Variants in SNX8 observed in about 807,000 individuals in gnomAD.
SNX8 encodes the protein sorting nexin-8.
In SNX8, 25 loss-of-function variants were observed where a neutral mutation model predicts 51.6. The ratio of observed to expected loss-of-function variants is 0.48; its 90% CI spans 0.35 to 0.68. SNX8 has a LOEUF of 0.68. SNX8 is among the 30% of genes least tolerant of loss of function. The pLI is 0.00. For synonymous variants in SNX8, 324 were observed against 277.0 expected (o/e 1.17, Z -1.68); for missense variants, 695 against 624.0 (o/e 1.11, Z -1.21).
chr7:2,346,702 C>A (rs1467817865), intron 1 of SNX8, among the ~76,000 whole-genome samples: 2 of 139,248 alleles, frequency 1.4e-5, no homozygotes, highest in African/African-American at 5.3e-5. Context: ...GCTGAGATTG[C>A]GCCACTGCAC....
chr7:2,306,226 C>G (rs956750105), intron 1 of SNX8, among the ~76,000 whole-genome samples: 1 of 152,148 alleles, frequency 6.6e-6, no homozygotes, highest in African/African-American at 2.4e-5. Context: ...ACTGCAACCT[C>G]GAGCAATTCT....
At chr7:2,266,237 T>G (rs554824789) in intron 5 of SNX8, among the ~76,000 whole-genome samples, 7 of 152,282 alleles carry the variant, frequency 4.6e-5, no homozygotes, top group African/African-American at 1.2e-4. Context: ...CAGGCTGGAG[T>G]GCAATGGCAC....
chr7:2,335,471 A>G (rs1212514482), intron 1 of SNX8, among the ~76,000 whole-genome samples: 1 of 151,900 alleles, frequency 6.6e-6, no homozygotes, highest in Non-Finnish European at 1.5e-5. Flanking sequence ...CAACATAGCC[A>G]GAGCCCATCT....
chr7:2,341,235 T>A (rs1778918231), intron 1 of SNX8, among the ~76,000 whole-genome samples: 2 of 150,942 alleles, frequency 1.3e-5, no homozygotes, highest in South Asian at 2.1e-4. Flanking sequence ...ATAAAATTGA[T>A]CAGCCAGGTG....
At chr7:2,344,265 T>G (rs1267745248) in intron 1 of SNX8, among the ~76,000 whole-genome samples, 1 of 151,716 alleles carries the variant, frequency 6.6e-6, no homozygotes, top group African/African-American at 2.4e-5. Flanking sequence ...GAAGATCGCT[T>G]GAGCTCAGGA....
chr7:2,345,470 G>C (rs1244072827), intron 1 of SNX8, among the ~76,000 whole-genome samples: 3 of 152,062 alleles, frequency 2.0e-5, no homozygotes, highest in African/African-American at 7.2e-5. Flanking sequence ...CTGAGGTCAG[G>C]AGTTCAAGAC....
intron 1 of SNX8, among the ~76,000 whole-genome samples, chr7:2,351,705 C>T (rs1239720129): frequency 1.3e-5 from 2 of 151,312 alleles, no homozygotes; most frequent in African/African-American, 2.4e-5. Flanking sequence ...GTGGCAGGCG[C>T]CTGTAGTCCC....
At chr7:2,317,075 G>A (rs1053636983), upstream of SNX8, among the ~76,000 whole-genome samples, 2 of 151,884 alleles carry the variant, frequency 1.3e-5, no homozygotes, top group African/African-American at 4.8e-5. Context: ...CTGGATGGGT[G>A]GTACCAGAGT....
intron 1 of SNX8, among the ~76,000 whole-genome samples, chr7:2,349,506 T>A (rs1216786041): frequency 6.6e-6 from 1 of 150,656 alleles, no homozygotes; most frequent in Non-Finnish European, 1.5e-5. Flanking sequence ...AGTGGTGTGA[T>A]CTCGGCTCAC....
rs565093074 is a variant in SNX8, at chr7:2,265,060, C to T, written c.622-602G>A. 3.3e-5 allele frequency among the ~76,000 whole-genome samples: 5 copies of T among 151,824 alleles called. No individual in the cohort carries two copies. The South Asian group carries it at 1.0e-3, about 32-fold the overall frequency. ...AAAACAAACAAACCAACAAAACACT[C>T]GAATAATAATCTTGCCGGGCGCAGT... On this transcript the variant is annotated intron_variant, in intron 5 of 10. Transcript: ENST00000222990.
chr7:2,339,336 G>C (rs1315270939), intron 1 of SNX8, among the ~76,000 whole-genome samples: 1 of 152,106 alleles, frequency 6.6e-6, no homozygotes, highest in African/African-American at 2.4e-5. Flanking sequence ...CTCCCGAGTA[G>C]CTGGGACTAC....
rs181504937 is a variant in SNX8 at position 2,338,245 on chromosome 7, G to A, written c.-66+15977C>T. On this transcript the variant is annotated intron_variant, in intron 1 of 5. Transcript: ENST00000435336. ...TGGGAGGCCGAGGCGGGCGGATCAC[G>A]AGGTCAGGAGATCAAGACCATCCTG... is the stretch of plus-strand genomic sequence containing the variant. Among the ~76,000 whole-genome samples the A allele has an allele frequency of 2.5e-4, 38 of 151,812 alleles. No individual in the cohort carries two copies. In the East Asian group the frequency reaches 7.0e-3, roughly 28 times the overall value.
chr7:2,324,293 C>CTTTT (rs370841279), intron 1 of SNX8, among the ~76,000 whole-genome samples: 3 of 137,484 alleles, frequency 2.2e-5, no homozygotes, highest in African/African-American at 2.7e-5. Flanking sequence ...TTCTTTCTTT[C>CTTTT]TTTTTTTTTT....
intron 10 of SNX8, among the ~76,000 whole-genome samples, chr7:2,255,995 TCAC>T (rs1376819029): frequency 6.6e-6 from 1 of 152,162 alleles, no homozygotes; most frequent in Non-Finnish European, 1.5e-5. Context: ...TGGAAATTCC[TCAC>T]CACCACAATA....
intron 1 of SNX8, among the ~76,000 whole-genome samples, chr7:2,321,057 C>A (rs6461310): frequency 6.6e-6 from 1 of 152,040 alleles, no homozygotes; most frequent in Non-Finnish European, 1.5e-5. Flanking sequence ...AAAACAAAAA[C>A]GAAATGTGTG....
chr7:2,304,760 A>G (rs1486851352), intron 1 of SNX8, among the ~76,000 whole-genome samples: 1 of 152,120 alleles, frequency 6.6e-6, no homozygotes, highest in Non-Finnish European at 1.5e-5. Context: ...GAAACTGCAC[A>G]CACAGAGACA....
intron 1 of SNX8, among the ~76,000 whole-genome samples, chr7:2,306,207 T>A (rs1228334222): frequency 6.6e-6 from 1 of 152,110 alleles, no homozygotes; most frequent in Non-Finnish European, 1.5e-5. Flanking sequence ...AGTGGCGCGA[T>A]CTCAGCTCAC....
At chr7:2,263,463 T>G in intron 6 of SNX8, 101 bp from the exon 7 acceptor site, 1 of 1,215,466 alleles carries the variant, frequency 8.2e-7, no homozygotes, top group Admixed American at 2.4e-5. Context: ...CACGGCAACC[T>G]GCGTGACCCC....
chr7:2,318,028 A>G (rs1796782984), upstream of SNX8, among the ~76,000 whole-genome samples: 1 of 151,972 alleles, frequency 6.6e-6, no homozygotes, highest in Non-Finnish European at 1.5e-5. Context: ...ACGCACACAT[A>G]TATACTCTGC....
Sources: gnomAD v4.1 joint callset for allele counts (sites outside exome capture counted in the v4.1 genomes callset) on GRCh38, gnomAD v4.1.1 for gene constraint, MANE v1.5 for transcripts, NCBI Gene and HGNC (gene_info 2026-07-23, HGNC 2026-07-21) for gene names.